ANTXR2: variants seen among roughly 807,000 people sequenced by gnomAD.
ANTXR2 encodes anthrax toxin receptor 2.
In ANTXR2, 44 loss-of-function variants were observed where a neutral mutation model predicts 73.7. The ratio of observed to expected loss-of-function variants is 0.60; its 90% confidence interval spans 0.47 to 0.77. The LOEUF (loss-of-function observed/expected upper bound fraction) is 0.77. ANTXR2 is among the 30% of genes least tolerant of loss of function. The probability of loss-of-function intolerance (pLI) is 0.00; values close to 1 mark genes in which losing one functional copy is unlikely to be tolerated. For synonymous variants in ANTXR2, 217 were observed against 205.9 expected (o/e 1.05, Z -0.46); for missense variants, 604 against 592.5 (o/e 1.02, Z -0.20).
chr4:79,927,006 T>A (rs1296274777), intron 16 of ANTXR2, among the ~76,000 whole-genome samples: 1 of 147,714 alleles, frequency 6.8e-6, no homozygotes, highest in Non-Finnish European at 1.5e-5. Flanking sequence ...TATATACACG[T>A]GTGCATATAT....
In ANTXR2 at chr4:79,907,211, C is replaced by A. The variant is rs926815000; in HGVS notation, c.*218G>T. 1.4e-5 allele frequency: 8 copies of A among 590,828 alleles called. No homozygotes were observed. Among genetic ancestry groups the A allele is most frequent in the Non-Finnish European group, 2.4e-5 (8 of 337,372 alleles). The allele number at this position is 590,828 out of a possible 1,614,324, so 36.6% of individuals were successfully genotyped here. A position where few individuals can be genotyped will look rare whatever the true frequency, so the allele number is the denominator to read the frequency against. ...TTCAATGTCATAAATCATGAGTTACCACTGAGTTTCATCACCTCCCATGTA... is the reference window on the plus strand; with the variant it reads ...TTCAATGTCATAAATCATGAGTTACAACTGAGTTTCATCACCTCCCATGTA... On this transcript the variant is annotated 3_prime_UTR_variant, in exon 17 of 17. Coordinates refer to ENST00000403729, the MANE Select transcript of ANTXR2 (RefSeq NM_058172.6).
rs1729980826 is a variant in ANTXR2, at chr4:79,983,651, G to GATA, written c.1179+226_1179+227insTAT. On this transcript the variant is annotated intron_variant, in intron 14 of 16. Coordinates refer to ENST00000403729, the MANE Select transcript of ANTXR2 (RefSeq NM_058172.6). The stretch of plus-strand genomic sequence containing the variant: ...TTGTTTTGTCCCTTAGAATTCAGAG[G>GATA]TCTTATCAATGCAATCCTTTGACTA... Among the ~76,000 whole-genome samples, 8 of 152,108 alleles carry GATA rather than the reference G, an allele frequency of 5.3e-5. No individual in the cohort carries two copies. The South Asian group carries it at 1.7e-3, about 32-fold the overall frequency.
At chr4:79,964,142 T>C (rs1282635613) in intron 16 of ANTXR2, among the ~76,000 whole-genome samples, 1 of 152,200 alleles carries the variant, frequency 6.6e-6, no homozygotes, top group Non-Finnish European at 1.5e-5. Context: ...TACACACTTT[T>C]ATGTCTGCTT....
At chr4:79,993,576 T>C (rs1211050111) in intron 12 of ANTXR2, among the ~76,000 whole-genome samples, 3 of 151,954 alleles carry the variant, frequency 2.0e-5, no homozygotes, top group East Asian at 3.9e-4. Flanking sequence ...TGTAGTCTAA[T>C]TATGTTTGAA....
intron 16 of ANTXR2, among the ~76,000 whole-genome samples, chr4:79,910,507 C>CAAAAAAAAA (rs144527286): frequency 1.7e-4 from 16 of 95,554 alleles, no homozygotes; most frequent in African/African-American, 2.0e-4. Flanking sequence ...GACTCCGTCT[C>CAAAAAAAAA]AAAAAAAAAA....
intron 7 of ANTXR2, among the ~76,000 whole-genome samples, chr4:80,037,140 A>G (rs906370974): frequency 1.4e-4 from 21 of 152,162 alleles, no homozygotes; most frequent in Non-Finnish European, 2.4e-4. Flanking sequence ...GCTCTGCACT[A>G]TATTATCAGT....
intron 7 of ANTXR2, among the ~76,000 whole-genome samples, chr4:80,040,331 T>C (rs887331453): frequency 6.6e-6 from 1 of 152,040 alleles, no homozygotes; most frequent in African/African-American, 2.4e-5. Context: ...TCTATTATAT[T>C]AAAACTGTCA....
intron 16 of ANTXR2, among the ~76,000 whole-genome samples, chr4:79,974,482 A>T (rs1729549487): frequency 6.6e-6 from 1 of 152,176 alleles, no homozygotes; most frequent in Non-Finnish European, 1.5e-5. Flanking sequence ...AAAGTCAATT[A>T]TATTTTATCT....
At position 80,072,456 on chromosome 4, in the gene ANTXR2, C is replaced by T; in HGVS notation, c.105G>A (p.Glu35=). 1.9e-6 allele frequency: 3 copies of T among 1,607,942 alleles called. No homozygotes were observed. The highest frequency in any genetic ancestry group is 8.5e-7 in the Non-Finnish European group (1 of 1,177,488). Residue 35 remains glutamate, a synonymous_variant, in exon 1 of 17, where the codon GAG becomes GAA. Coordinates refer to ENST00000403729, the MANE Select transcript of ANTXR2 (RefSeq NM_058172.6). ...SGPGGLLRAQ[E]QPSCRRAFDL... ...CAAAGGCTCTTCTGCAGGAGGGCTG[C>T]TCCTGGGCGCGCAGCAGCCCCCCGG...
At chr4:79,945,248 C>CT (rs1177560619) in intron 16 of ANTXR2, among the ~76,000 whole-genome samples, 1 of 151,910 alleles carries the variant, frequency 6.6e-6, no homozygotes, top group African/African-American at 2.4e-5. Flanking sequence ...ATGGAAATCT[C>CT]TTTTTTAGGA....
At chr4:79,911,822 A>T (rs770156167) in intron 16 of ANTXR2, among the ~76,000 whole-genome samples, 3 of 151,888 alleles carry the variant, frequency 2.0e-5, no homozygotes, top group Non-Finnish European at 4.4e-5. Context: ...ATCATGCCCT[A>T]ATCATGCATG....
At chr4:79,963,939 T>A (rs1729246852) in intron 16 of ANTXR2, among the ~76,000 whole-genome samples, 1 of 152,224 alleles carries the variant, frequency 6.6e-6, no homozygotes, top group African/African-American at 2.4e-5. Context: ...TATGTAACTA[T>A]AGGAATGAAG....
chr4:80,002,941 G>A (rs1012566901), intron 12 of ANTXR2, among the ~76,000 whole-genome samples: 4 of 134,216 alleles, frequency 3.0e-5, no homozygotes, highest in Non-Finnish European at 5.0e-5. Context: ...GGAGAAATAG[G>A]AACACTTTTA....
intron 12 of ANTXR2, among the ~76,000 whole-genome samples, chr4:79,992,845 C>T (rs1224204981): frequency 6.6e-6 from 1 of 151,984 alleles, no homozygotes; most frequent in Non-Finnish European, 1.5e-5. Context: ...TTTTCAGTTG[C>T]AACCTAAAAA....
intron 16 of ANTXR2, among the ~76,000 whole-genome samples, chr4:79,956,041 G>A (rs1691660946): frequency 6.6e-6 from 1 of 152,120 alleles, no homozygotes; most frequent in African/African-American, 2.4e-5. Context: ...CTGAAGTAGG[G>A]ATGGAAGTTG....
chr4:80,018,442 C>T (rs10032458), intron 11 of ANTXR2, among the ~76,000 whole-genome samples: 115,339 of 152,046 alleles, frequency 0.76, 44,006 homozygotes, highest in East Asian at 0.95. Flanking sequence ...AAGTCAACTT[C>T]CTCATTCAGA....
chr4:80,034,168 CA>C (rs1192590929), intron 8 of ANTXR2, among the ~76,000 whole-genome samples: 1 of 151,928 alleles, frequency 6.6e-6, no homozygotes, highest in East Asian at 1.9e-4. Flanking sequence ...TGGCCAGTCA[CA>C]AAAGTTGATT....
rs1436912665 is a variant in ANTXR2 at position 80,018,902 on chromosome 4, T to C, written c.941A>G (p.Glu314Gly). 1.3e-6 allele frequency: 2 copies of C among 1,520,406 alleles called. No individual in the cohort carries two copies. The highest frequency in any genetic ancestry group is 1.8e-6 in the Non-Finnish European group (2 of 1,135,368). 94.2% of individuals were successfully genotyped at this position (1,520,406 alleles called of 1,614,324 possible). A position where few individuals can be genotyped will look rare whatever the true frequency, so the allele number is the denominator to read the frequency against. ...ISGSLIVTAT[E>G]CSNGIAAIIV... is the part of the protein sequence containing the mutation. ...TTTGTGCAAACTTTTACTTACACAT[T>C]CTGTGGCTGTGACAATTAATGATCC... The change falls in exon 11 of 17, where the codon GAA (glutamate) becomes GGA (glycine). Residue 314 changes from glutamate (E) to glycine (G), a missense_variant. Physicochemically the swap from Glu to Gly is moderately conservative, Grantham distance 98. Coordinates refer to ENST00000403729, the MANE Select transcript of ANTXR2 (RefSeq NM_058172.6).
At position 79,993,760 on chromosome 4, in the gene ANTXR2, G is replaced by GCGCGCGCGCA. The variant is rs71662888; in HGVS notation, c.1042-8898_1042-8897insTGCGCGCGCG. ...GGCAATACACCACACACACACACAC[G>GCGCGCGCGCA]CACACACACACACACACACACACAT... On this transcript the variant is annotated intron_variant, in intron 12 of 16. Transcript: ENST00000403729. Among the ~76,000 whole-genome samples, 27 of 140,770 alleles carry GCGCGCGCGCA rather than the reference G, an allele frequency of 1.9e-4. No homozygotes were observed. In the East Asian group the frequency reaches 4.6e-3, roughly 24 times the overall value. 92.4% of individuals were successfully genotyped at this position (140,770 alleles called of 152,430 possible).
Sources: allele counts gnomAD v4.1 joint callset (sites outside exome capture counted in the v4.1 genomes callset), GRCh38; gene constraint gnomAD v4.1.1; transcripts MANE v1.5; gene names NCBI Gene and HGNC (gene_info 2026-07-23, HGNC 2026-07-21).